The following ARID1B variants were observed in gnomAD, a reference collection of about 807,000 sequenced individuals.
ARID1B encodes the protein AT-rich interactive domain-containing protein 1B.
ARID1B carries 30 observed loss-of-function variants against 212.3 expected under a neutral mutation model. The ratio of observed to expected loss-of-function variants is 0.14; its 90% CI spans 0.11 to 0.19. The LOEUF is 0.19. Among genes scored for constraint, ARID1B ranks in the 10% least tolerant of loss-of-function variants. The pLI, the probability that ARID1B is intolerant of heterozygous loss-of-function variation, is 1.00. For synonymous variants in ARID1B, 1,402 were observed against 1,301.7 expected (o/e 1.08, Z -1.66); for missense variants, 2,891 against 3,204.0 (o/e 0.90, Z 2.36).
intron 1 of ARID1B, among the ~76,000 whole-genome samples, chr6:156,804,441 C>T (rs1781007338): frequency 6.6e-6 from 1 of 151,938 alleles, no homozygotes; most frequent in African/African-American, 2.4e-5. Flanking sequence ...TGTTCTTACA[C>T]TGCTATCAAG....
chr6:156,871,530 AT>A (rs1786127006), intron 2 of ARID1B: 3 of 1,283,170 alleles, frequency 2.3e-6, no homozygotes, highest in Non-Finnish European at 3.3e-6. Context: ...AGGTCACCTA[AT>A]TAATAAGCCA....
At chr6:157,172,727 T>G (rs1413656427) in intron 9 of ARID1B, 1 of 152,210 alleles carries the variant, frequency 6.6e-6, no homozygotes, top group Non-Finnish European at 1.5e-5. Context: ...AACTAATTAT[T>G]TTCTAAAACA....
chr6:156,999,376 G>T (rs947343679), intron 4 of ARID1B, among the ~76,000 whole-genome samples: 4 of 152,324 alleles, frequency 2.6e-5, no homozygotes, highest in Non-Finnish European at 5.9e-5. Flanking sequence ...TAAAACGAAG[G>T]TCACAATCCC....
At chr6:156,845,274 A>T (rs1404422077) in intron 2 of ARID1B, among the ~76,000 whole-genome samples, 1 of 152,208 alleles carries the variant, frequency 6.6e-6, no homozygotes, top group Non-Finnish European at 1.5e-5. Flanking sequence ...CGCATTCTGC[A>T]TTCTGTACTT....
chr6:157,104,188 C>A (rs1786301576), intron 5 of ARID1B, among the ~76,000 whole-genome samples: 1 of 152,166 alleles, frequency 6.6e-6, no homozygotes, highest in Non-Finnish European at 1.5e-5. Context: ...GGGGGGAAAT[C>A]CTCTCTGTAA....
chr6:156,948,084 A>G (rs1468710197), intron 4 of ARID1B, among the ~76,000 whole-genome samples: 1 of 152,214 alleles, frequency 6.6e-6, no homozygotes, highest in Non-Finnish European at 1.5e-5. Context: ...GCTTTTTCAA[A>G]GCTAAAACAG....
intron 1 of ARID1B, among the ~76,000 whole-genome samples, chr6:156,782,905 A>T (rs1342402668): frequency 6.6e-6 from 1 of 151,906 alleles, no homozygotes; most frequent in Non-Finnish European, 1.5e-5. Flanking sequence ...GGATGAAATT[A>T]TGCATGGCTT....
intron 4 of ARID1B, among the ~76,000 whole-genome samples, chr6:157,019,449 C>T (rs1475851626): frequency 6.6e-6 from 1 of 152,202 alleles, no homozygotes; most frequent in African/African-American, 2.4e-5. Context: ...TGCTAAGAAA[C>T]TTGTCTAACT....
chr6:156,856,767 C>CTTAA (rs1784980467), intron 2 of ARID1B, among the ~76,000 whole-genome samples: 2 of 79,798 alleles, frequency 2.5e-5, no homozygotes, highest in Non-Finnish European at 5.5e-5. Context: ...TTCTAAAATG[C>CTTAA]TTAAGCCTAG....
intron 5 of ARID1B, among the ~76,000 whole-genome samples, chr6:157,091,944 C>G (rs1488185900): frequency 6.6e-6 from 1 of 152,088 alleles, no homozygotes; most frequent in African/African-American, 2.4e-5. Flanking sequence ...TTTTAAATAT[C>G]TATCGAATGT....
chr6:157,090,630 TAG>T (rs1339178939), intron 5 of ARID1B, among the ~76,000 whole-genome samples: 1 of 152,242 alleles, frequency 6.6e-6, no homozygotes, highest in East Asian at 1.9e-4. Context: ...AGAAACAAAA[TAG>T]AGTTGCATCA....
chr6:156,921,253 G>C (rs530993300), intron 3 of ARID1B, among the ~76,000 whole-genome samples: 5 of 152,016 alleles, frequency 3.3e-5, no homozygotes, highest in Non-Finnish European at 7.4e-5. Context: ...AGTTGGAGGT[G>C]TTTAACATAA....
intron 1 of ARID1B, among the ~76,000 whole-genome samples, chr6:156,809,233 G>A (rs1421978562): frequency 6.6e-6 from 1 of 152,178 alleles, no homozygotes; most frequent in East Asian, 1.9e-4. Context: ...GAGGAAGTTA[G>A]CACGTGAGAG....
At chr6:156,839,258 G>A (rs994767392) in intron 2 of ARID1B, among the ~76,000 whole-genome samples, 1 of 152,144 alleles carries the variant, frequency 6.6e-6, no homozygotes, top group Non-Finnish European at 1.5e-5. Context: ...GCATGGTGTT[G>A]GCCTCTGGTG....
At chr6:157,123,724 A>G (rs1245565031) in intron 6 of ARID1B, among the ~76,000 whole-genome samples, 1 of 152,270 alleles carries the variant, frequency 6.6e-6, no homozygotes, top group Non-Finnish European at 1.5e-5. Flanking sequence ...GGTGGATTGC[A>G]TTAAAAATAA....
chr6:157,177,694 G>A (rs905673734), intron 11 of ARID1B, among the ~76,000 whole-genome samples: 3 of 152,200 alleles, frequency 2.0e-5, no homozygotes, highest in South Asian at 2.1e-4. Flanking sequence ...TATATGCAAG[G>A]AAAACATTTG....
At chr6:157,135,784 GT>G (rs1295590871) in intron 7 of ARID1B, among the ~76,000 whole-genome samples, 4 of 151,946 alleles carry the variant, frequency 2.6e-5, no homozygotes, top group Non-Finnish European at 5.9e-5. Flanking sequence ...CTAATAAAGG[GT>G]TTTTTTTCTT....
rs191761610 is a variant in ARID1B, at chr6:157,207,487, G to C, written c.6715G>C (p.Val2239Leu). ...SRQEKFYATL[V>L]RYVGDRKNPV... Reference sequence around the variant, plus strand: ...TCAGGAGAAATTCTATGCTACATTAGTTAGGTACGTTGGGGATCGCAAAAA... The same window carrying C: ...TCAGGAGAAATTCTATGCTACATTACTTAGGTACGTTGGGGATCGCAAAAA... Residue 2239 changes from valine to leucine, a missense_variant, in exon 20 of 20, where the codon GTT becomes CTT. Val to Leu is a conservative substitution (Grantham distance 32, BLOSUM62 1). Around this residue, in one of 7 missense-constraint regions of ARID1B, gnomAD observed 187 missense variants for 306.5 expected, o/e 0.61. Coordinates refer to ENST00000636930, the MANE Select transcript of ARID1B (RefSeq NM_001374828.1). The surrounding 1 kb of genome is among the most constrained non-coding windows in gnomAD (Gnocchi z 8.5). The C allele has an allele frequency of 1.2e-6, 2 of 1,614,136 alleles. No homozygotes were observed. Among genetic ancestry groups the C allele is most frequent in the East Asian group, 2.2e-5 (1 of 44,888 alleles).
intron 2 of ARID1B, among the ~76,000 whole-genome samples, chr6:156,893,969 C>T (rs1207854898): frequency 1.3e-5 from 2 of 152,204 alleles, no homozygotes; most frequent in Non-Finnish European, 2.9e-5. Flanking sequence ...AGCAACAATT[C>T]GACCAGATAT....
Sources: allele counts gnomAD v4.1 joint callset (sites outside exome capture counted in the v4.1 genomes callset), GRCh38; gene constraint gnomAD v4.1.1; regional missense constraint gnomAD v4.1.1; non-coding constraint Gnocchi (gnomAD v3.1); transcripts MANE v1.5; gene names NCBI Gene and HGNC (gene_info 2026-07-23, HGNC 2026-07-21).